The following STIM1 variants were observed in gnomAD, a reference collection of about 807,000 sequenced individuals.
STIM1 encodes stromal interaction molecule 1.
In STIM1, 25 loss-of-function variants were observed where a neutral mutation model predicts 74.7. The observed-to-expected ratio is 0.33, with a 90% CI of 0.24 to 0.47. The LOEUF (loss-of-function observed/expected upper bound fraction) is 0.47, where lower values mean the gene tolerates loss of function less well. STIM1 is among the 20% of genes least tolerant of loss of function. The probability of loss-of-function intolerance (pLI) is 1.00; values close to 1 mark genes in which losing one functional copy is unlikely to be tolerated. For synonymous variants in STIM1, 328 were observed against 348.8 expected (o/e 0.94, Z 0.66); for missense variants, 728 against 920.8 (o/e 0.79, Z 2.71).
chr11:4,064,663 C>G (rs1319880514), intron 5 of STIM1, among the ~76,000 whole-genome samples: 1 of 152,202 alleles, frequency 6.6e-6, no homozygotes, highest in Non-Finnish European at 1.5e-5. Flanking sequence ...CTGTCCACAG[C>G]AGCCTCAGAA....
chr11:4,017,883 C>T (rs935554799), intron 2 of STIM1, among the ~76,000 whole-genome samples: 2 of 152,230 alleles, frequency 1.3e-5, no homozygotes, highest in Non-Finnish European at 2.9e-5. Context: ...TGTATCTGCC[C>T]TTTCCCTTTT....
chr11:3,904,079 C>G (rs12363861), intron 1 of STIM1, among the ~76,000 whole-genome samples: 1 of 150,856 alleles, frequency 6.6e-6, no homozygotes, highest in Non-Finnish European at 1.5e-5. Context: ...TGCCTGTAAT[C>G]TCAGCTAGAC....
intron 2 of STIM1, among the ~76,000 whole-genome samples, chr11:3,969,565 A>G (rs1190506282): frequency 2.0e-5 from 3 of 152,240 alleles, no homozygotes; most frequent in Admixed American, 6.5e-5. Flanking sequence ...TGAACCAGAT[A>G]ATGTTTAAGG....
At chr11:3,927,148 A>C (rs1047727617) in intron 1 of STIM1, among the ~76,000 whole-genome samples, 1 of 152,234 alleles carries the variant, frequency 6.6e-6, no homozygotes, top group Non-Finnish European at 1.5e-5. Context: ...AGATTTGGTC[A>C]GTTCACAGTT....
At chr11:3,922,902 A>G (rs2092736021) in intron 1 of STIM1, among the ~76,000 whole-genome samples, 1 of 152,056 alleles carries the variant, frequency 6.6e-6, no homozygotes, top group African/African-American at 2.4e-5. Context: ...GATCGAGACC[A>G]TCCTGGTTAA....
At chr11:3,990,213 T>G (rs1261379578) in intron 2 of STIM1, among the ~76,000 whole-genome samples, 2 of 152,262 alleles carry the variant, frequency 1.3e-5, no homozygotes, top group Non-Finnish European at 2.9e-5. Flanking sequence ...GTTGTATCAG[T>G]ACTGCCTGTA....
chr11:3,997,541 G>C (rs1201536380), intron 2 of STIM1, among the ~76,000 whole-genome samples: 1 of 152,070 alleles, frequency 6.6e-6, no homozygotes, highest in Non-Finnish European at 1.5e-5. Flanking sequence ...TTGCAGAAGA[G>C]GACGCCCTAA....
At chr11:3,889,368 A>AT (rs35294046) in intron 1 of STIM1, among the ~76,000 whole-genome samples, 179 of 139,022 alleles carry the variant, frequency 1.3e-3, no homozygotes, top group Middle Eastern at 0.011. Flanking sequence ...CAGATATTTA[A>AT]TTTTTTTTTT....
At chr11:3,962,413 T>C (rs1217419846) in intron 1 of STIM1, among the ~76,000 whole-genome samples, 1 of 152,004 alleles carries the variant, frequency 6.6e-6, no homozygotes, top group East Asian at 1.9e-4. Context: ...GCAAAAGACA[T>C]GATTTCATTC....
intron 1 of STIM1, among the ~76,000 whole-genome samples, chr11:3,948,408 A>G (rs1413274976): frequency 6.6e-6 from 1 of 152,142 alleles, no homozygotes; most frequent in Non-Finnish European, 1.5e-5. Context: ...AGAACCTAAT[A>G]TTTATTAAGA....
chr11:3,923,123 TCTTTGC>T, intron 1 of STIM1, among the ~76,000 whole-genome samples: 1 of 150,518 alleles, frequency 6.6e-6, no homozygotes, highest in East Asian at 2.0e-4. Context: ...AAACAAACAC[TCTTTGC>T]CTATTCCAAG....
At chr11:3,989,505 G>C (rs2093589070) in intron 2 of STIM1, 3 of 601,462 alleles carry the variant, frequency 5.0e-6, no homozygotes, top group Non-Finnish European at 9.4e-6. Context: ...TGTGAGCCGC[G>C]GCGCACCGAG....
Position 3,887,984 on chromosome 11 carries a change from A to AAT in STIM1, c.139+31576_139+31577insTA, listed in dbSNP as rs1554953391. ...GACTCTGTCTCAAAAAAAAAAAAAA[A>AAT]AAATAGGACATCTGTGTCCAGGAAT... On this transcript the variant is annotated intron_variant, in intron 1 of 12. Transcript: ENST00000526596. The AAT allele has an allele frequency of 7.6e-3, 1,129 of 149,402 alleles. 13 individuals are homozygous for AAT. The highest frequency in any genetic ancestry group is 0.013 in the Non-Finnish European group (856 of 68,070). 9.3% of individuals were successfully genotyped at this position (149,402 alleles called of 1,614,324 possible).
chr11:3,921,382 T>C (rs1435456781), intron 1 of STIM1, among the ~76,000 whole-genome samples: 1 of 152,240 alleles, frequency 6.6e-6, no homozygotes, highest in African/African-American at 2.4e-5. Context: ...TATTCCTTTA[T>C]AGTTTTGCCT....
chr11:3,877,475 T>C (rs1433888467), intron 1 of STIM1, among the ~76,000 whole-genome samples: 1 of 152,138 alleles, frequency 6.6e-6, no homozygotes, highest in Non-Finnish European at 1.5e-5. Flanking sequence ...TGCATGGGCT[T>C]TTGTAGCCAG....
At chr11:4,088,487 CCATTCT>C in intron 12 of STIM1, 1 of 531,702 alleles carries the variant, frequency 1.9e-6, no homozygotes, top group South Asian at 1.9e-5. Flanking sequence ...CCACTCATAT[CCATTCT>C]CATTCTCATT....
chr11:3,894,086 A>T (rs2091982576), intron 1 of STIM1, among the ~76,000 whole-genome samples: 1 of 152,088 alleles, frequency 6.6e-6, no homozygotes, highest in African/African-American at 2.4e-5. Flanking sequence ...TTTGAACTAT[A>T]TTTGAAAAAG....
chr11:4,005,107 T>A lies in STIM1; in HGVS notation c.271-18766T>A, dbSNP rs1241178331. 3.9e-5 allele frequency among the ~76,000 whole-genome samples: 6 copies of A among 152,262 alleles called. No individual in the cohort carries two copies. In the South Asian group the frequency reaches 1.0e-3, roughly 26 times the overall value. On this transcript the variant is annotated intron_variant, in intron 2 of 12. Transcript: ENST00000526596. ...AACAGGTGCTGGAGAGGATGTGGAA[T>A]AATAGGAACACTTTTACACTGTTGG...
At chr11:4,086,385 G>A in intron 11 of STIM1, 92 bp from the exon 12 acceptor site, 1 of 1,465,704 alleles carries the variant, frequency 6.8e-7, no homozygotes, top group Non-Finnish European at 9.4e-7. Flanking sequence ...GCCCAGGGTG[G>A]TCTCCAGCAA....
Sources: gnomAD v4.1 joint callset for allele counts (sites outside exome capture counted in the v4.1 genomes callset) on GRCh38, gnomAD v4.1.1 for gene constraint, MANE v1.5 for transcripts, NCBI Gene and HGNC (gene_info 2026-07-23, HGNC 2026-07-21) for gene names.